ZNF454: variants seen among roughly 807,000 people sequenced by gnomAD.
The protein encoded by ZNF454 is zinc finger protein 454.
Under a neutral mutation model 48.2 loss-of-function variants are expected in ZNF454, and 30 were observed. That is an observed-to-expected ratio of 0.62 (90% confidence interval 0.47 to 0.84). The LOEUF (loss-of-function observed/expected upper bound fraction) is 0.84, where lower values mean the gene tolerates loss of function less well. Among genes scored for constraint, ZNF454 ranks in the 40% least tolerant of loss-of-function variants. ZNF454 has a pLI of 0.00. For missense variants in ZNF454, 510 were observed against 623.1 expected (o/e 0.82, Z 1.93); for synonymous variants, 204 against 211.4 (o/e 0.97, Z 0.30).
the ZNF454 span, chr5:178,983,149 C>G: frequency 6.2e-7 from 1 of 1,613,974 alleles, no homozygotes; most frequent in South Asian, 1.1e-5. Flanking sequence ...TCGGGGTCCA[C>G]CGTCCGCTGT....
chr5:178,961,763 T>G (rs1434094011), intron 4 of ZNF454, among the ~76,000 whole-genome samples: 1 of 150,054 alleles, frequency 6.7e-6, no homozygotes, highest in Non-Finnish European at 1.5e-5. Flanking sequence ...GAGGTTGCAG[T>G]GAGCTGAGAT....
At chr5:178,956,681 TTA>T (rs1759769825) in intron 4 of ZNF454, among the ~76,000 whole-genome samples, 1 of 102,660 alleles carries the variant, frequency 9.7e-6, no homozygotes, top group African/African-American at 3.3e-5. Flanking sequence ...TTTAATTTAT[TTA>T]TTTATTTATT....
chr5:178,945,605 AG>A (rs1440889800), intron 2 of ZNF454, among the ~76,000 whole-genome samples: 1 of 117,092 alleles, frequency 8.5e-6, no homozygotes, highest in African/African-American at 3.4e-5. Flanking sequence ...CTCTGTGTGT[AG>A]GGGGTGTGGA....
chr5:178,989,817 A>G, the ZNF454 span: 1 of 321,480 alleles, frequency 3.1e-6, no homozygotes, highest in South Asian at 2.9e-5. Flanking sequence ...ATAAGCAGGA[A>G]GACCCAAGGC....
At chr5:178,974,302 T>C in the ZNF454 span, among the ~76,000 whole-genome samples, 1 of 143,774 alleles carries the variant, frequency 7.0e-6, no homozygotes, top group East Asian at 2.0e-4. Flanking sequence ...GTTGTGGTTG[T>C]TGTGGTTGTG....
At chr5:178,968,977 C>T (rs532312093), downstream of ZNF454, 397 of 410,150 alleles carry the variant, frequency 9.7e-4, 3 homozygotes, top group African/African-American at 7.4e-3. Context: ...TCTCATCAGG[C>T]TTGGGTTTTC....
the ZNF454 span, chr5:178,985,214 C>G: frequency 2.2e-6 from 1 of 454,018 alleles, no homozygotes; most frequent in Non-Finnish European, 4.4e-6. Flanking sequence ...TGACCTGTTT[C>G]CATATGTGAG....
chr5:178,981,682 C>T, the ZNF454 span: 1 of 1,614,030 alleles, frequency 6.2e-7, no homozygotes, highest in Admixed American at 1.7e-5. The surrounding 1 kb of genome is among the most constrained non-coding windows in gnomAD (Gnocchi z 5.1). Context: ...TGCATCCTCG[C>T]CCTTGGGTGG....
chr5:178,942,781 G>T lies in ZNF454; in HGVS notation c.-11G>T, dbSNP rs1759161327. 6.2e-7 allele frequency: 1 copy of T among 1,613,920 alleles called. No individual in the cohort carries two copies. The highest frequency in any genetic ancestry group is 1.7e-5 in the Admixed American group (1 of 59,996). On this transcript the variant is annotated 5_prime_UTR_variant, in exon 2 of 5. Transcript: ENST00000519564. Reference sequence around the variant, plus strand: ...TGCCTGTCCCTAAGAGGGCTCATCGGAGAAGAAAGAATGGCTGTCAGCCAC... The same window carrying T: ...TGCCTGTCCCTAAGAGGGCTCATCGTAGAAGAAAGAATGGCTGTCAGCCAC...
At chr5:178,953,086 A>G (rs1203288832) in intron 4 of ZNF454, among the ~76,000 whole-genome samples, 2 of 152,016 alleles carry the variant, frequency 1.3e-5, no homozygotes, top group Non-Finnish European at 2.9e-5. Context: ...ATTTGCTTCC[A>G]TTTCTGCAAG....
At chr5:178,942,489 G>T in intron 1 of ZNF454, 196 bp from the exon 2 acceptor site, 1 of 355,968 alleles carries the variant, frequency 2.8e-6, no homozygotes, top group East Asian at 4.7e-5. Context: ...GAAGGCATGA[G>T]AACTGGACCT....
intron 4 of ZNF454, chr5:178,957,040 C>A (rs1303397359): frequency 6.0e-6 from 1 of 165,342 alleles, no homozygotes; most frequent in African/African-American, 2.4e-5. Context: ...CCTGCCACCA[C>A]GCCCGGATAA....
the ZNF454 span, chr5:178,986,294 T>C: frequency 6.2e-7 from 1 of 1,613,924 alleles, no homozygotes; most frequent in Non-Finnish European, 8.5e-7. Context: ...AGGAAGAGCC[T>C]GCGGGCGGCA....
the ZNF454 span, chr5:178,989,901 T>C: frequency 2.2e-5 from 5 of 230,948 alleles, no homozygotes; most frequent in East Asian, 5.3e-4. Flanking sequence ...CACTGCCCCA[T>C]GCCTAAAGTC....
chr5:178,957,433 G>A (rs539552531), intron 4 of ZNF454, among the ~76,000 whole-genome samples: 17 of 150,308 alleles, frequency 1.1e-4, no homozygotes, highest in East Asian at 2.0e-4. Flanking sequence ...TTTTGGGGAC[G>A]AAGTCTTACT....
rs549622368 is a variant in ZNF454, at chr5:178,949,906, C to T, written c.250+2920C>T. On this transcript the variant is annotated intron_variant, in intron 4 of 4. Transcript: ENST00000519564. ...CTGGGATTACAGGTGTGAGCCACCA[C>T]GCCCGGCCTCTGTTTCATTCTTAAT... Among the ~76,000 whole-genome samples the T allele has an allele frequency of 2.4e-4, 37 of 151,266 alleles. 2 individuals are homozygous for T. In the South Asian group the frequency reaches 6.9e-3, roughly 28 times the overall value.
In ZNF454 at chr5:178,941,224, T is replaced by C. The variant is rs1047046348; in HGVS notation, c.-328T>C. Reference sequence around the variant, plus strand: ...GCTCCCGGCTGCAGACTCCAGCTCATTGTGTTCTGACTGCGATGTGGCGCT... The same window carrying C: ...GCTCCCGGCTGCAGACTCCAGCTCACTGTGTTCTGACTGCGATGTGGCGCT... On this transcript the variant is annotated 5_prime_UTR_variant, in exon 1 of 5. Transcript: ENST00000519564. This position sits in a 1 kb window ranked among gnomAD's most constrained non-coding sequence, Gnocchi z 5.5. 1.3e-5 allele frequency: 5 copies of C among 380,068 alleles called. No homozygotes were observed. Among genetic ancestry groups the C allele is most frequent in the African/African-American group, 4.2e-5 (2 of 47,726 alleles). The allele number at this position is 380,068 out of a possible 1,614,324, so 23.5% of individuals were successfully genotyped here.
At chr5:178,981,699 C>T in the ZNF454 span, 1 of 1,614,144 alleles carries the variant, frequency 6.2e-7, no homozygotes, top group Non-Finnish European at 8.5e-7. The surrounding 1 kb of genome is among the most constrained non-coding windows in gnomAD (Gnocchi z 5.1). Context: ...GTGGGGCTGC[C>T]ACCGTGGAGG....
the ZNF454 span, among the ~76,000 whole-genome samples, chr5:178,974,200 A>G: frequency 1.3e-5 from 2 of 152,180 alleles, no homozygotes; most frequent in Non-Finnish European, 2.9e-5. Context: ...GGATGCATCA[A>G]TGGTTATTCC....
Sources: gnomAD v4.1 joint callset for allele counts (sites outside exome capture counted in the v4.1 genomes callset) on GRCh38, gnomAD v4.1.1 for gene constraint, Gnocchi (gnomAD v3.1) non-coding constraint, MANE v1.5 for transcripts, NCBI Gene and HGNC (gene_info 2026-07-23, HGNC 2026-07-21) for gene names.